Variants in MYLK4 observed in about 807,000 individuals in gnomAD.
MYLK4 encodes the protein caMLCK like.
A neutral mutation model predicts 48.1 loss-of-function variants in MYLK4; 46 were observed. The observed-to-expected ratio is 0.96, with a 90% CI of 0.75 to 1.22. MYLK4 has a LOEUF of 1.22. Ranked by LOEUF, MYLK4 falls within the 50% of genes most tolerant of loss-of-function variation. The pLI is 0.00. For missense variants in MYLK4, 451 were observed against 486.1 expected (o/e 0.93, Z 0.68); for synonymous variants, 170 against 180.8 (o/e 0.94, Z 0.48).
chr6:2,768,314 G>T, the MYLK4 span, among the ~76,000 whole-genome samples: 1 of 152,072 alleles, frequency 6.6e-6, no homozygotes, highest in Non-Finnish European at 1.5e-5. Flanking sequence ...GTGCTGTCTC[G>T]GCTAGAGGAG....
At chr6:2,739,656 T>C (rs551807755) in intron 2 of MYLK4, among the ~76,000 whole-genome samples, 1 of 152,340 alleles carries the variant, frequency 6.6e-6, no homozygotes, top group South Asian at 2.1e-4. Context: ...TCAGATACTT[T>C]TCCCCATTAA....
Position 2,664,918 on chromosome 6 carries a change from G to T in MYLK4, c.*3007C>A, listed in dbSNP as rs569259460. 6.6e-6 allele frequency: 1 copy of T among 152,328 alleles called. No individual in the cohort carries two copies. Among genetic ancestry groups the T allele is most frequent in the African/African-American group, 2.4e-5 (1 of 41,578 alleles). 9.4% of individuals were successfully genotyped at this position (152,328 alleles called of 1,614,324 possible). A position where few individuals can be genotyped will look rare whatever the true frequency, so the allele number is the denominator to read the frequency against. On this transcript the variant is annotated 3_prime_UTR_variant, in exon 13 of 13. Transcript: ENST00000274643. ...ATTTTTAAATAGCAACAGATTCTGG[G>T]TAAGTGTTGGTGTCTTCCAAATTAC...
chr6:2,731,377 GT>G (rs1489780674), intron 2 of MYLK4, among the ~76,000 whole-genome samples: 21 of 152,328 alleles, frequency 1.4e-4, no homozygotes, highest in African/African-American at 5.1e-4. Context: ...TGGACTCTAG[GT>G]AGGCAGGTCT....
chr6:2,715,716 G>C (rs9405181), intron 2 of MYLK4, among the ~76,000 whole-genome samples: 67,876 of 152,058 alleles, frequency 0.45, 16,023 homozygotes, highest in East Asian at 0.57. Flanking sequence ...TAGCAAACAT[G>C]CTTGTCTCAG....
intron 6 of MYLK4, among the ~76,000 whole-genome samples, chr6:2,684,575 C>T (rs1296915478): frequency 6.6e-6 from 1 of 152,096 alleles, no homozygotes; most frequent in Non-Finnish European, 1.5e-5. Flanking sequence ...CAGGTTCAAA[C>T]AATCGTAAAT....
intron 11 of MYLK4, among the ~76,000 whole-genome samples, chr6:2,674,005 G>A (rs1268574266): frequency 6.6e-6 from 1 of 152,204 alleles, no homozygotes; most frequent in Non-Finnish European, 1.5e-5. Context: ...GATCACTGAT[G>A]GTGAGGCAAG....
intron 7 of MYLK4, among the ~76,000 whole-genome samples, chr6:2,681,461 A>G (rs1356889593): frequency 6.6e-6 from 1 of 152,208 alleles, no homozygotes; most frequent in Admixed American, 6.5e-5. Context: ...TCACTGATGG[A>G]TCATGTATAA....
upstream of MYLK4, among the ~76,000 whole-genome samples, chr6:2,753,229 T>C (rs905650214): frequency 2.0e-5 from 3 of 152,222 alleles, no homozygotes; most frequent in African/African-American, 7.2e-5. Flanking sequence ...AGTAAGAGAC[T>C]GTGTTGTCAA....
intron 2 of MYLK4, among the ~76,000 whole-genome samples, chr6:2,735,120 G>T (rs970184542): frequency 6.6e-6 from 1 of 152,228 alleles, no homozygotes; most frequent in Non-Finnish European, 1.5e-5. Flanking sequence ...TTTGGGCAAT[G>T]CCTCTTAGCC....
intron 2 of MYLK4, among the ~76,000 whole-genome samples, chr6:2,746,694 G>C (rs1764104650): frequency 6.6e-6 from 1 of 152,186 alleles, no homozygotes; most frequent in Admixed American, 6.5e-5. Context: ...TCCCCTCAAA[G>C]AGAGAAGGGA....
intron 1 of MYLK4, among the ~76,000 whole-genome samples, 151 bp from the exon 2 acceptor site, chr6:2,749,557 G>C (rs1384066945): frequency 6.6e-6 from 1 of 152,146 alleles, no homozygotes; most frequent in Non-Finnish European, 1.5e-5. Flanking sequence ...TTCATATTGA[G>C]TTTCCAACAT....
rs750454547 is a variant in MYLK4 at position 2,685,318 on chromosome 6, C to T, written c.523G>A (p.Asp175Asn). 1.9e-6 allele frequency: 3 copies of T among 1,613,216 alleles called. No individual in the cohort carries two copies. Among genetic ancestry groups the T allele is most frequent in the South Asian group, 1.1e-5 (1 of 91,046 alleles). The change falls in exon 6 of 13, where the codon GAC (aspartate) becomes AAC (asparagine). Residue 175 changes from aspartate (D) to asparagine (N), a missense_variant. Asp to Asn is a conservative substitution (Grantham distance 23). Coordinates refer to ENST00000274643, the MANE Select transcript of MYLK4 (RefSeq NM_001012418.5). This position sits in a 1 kb window ranked among gnomAD's most constrained non-coding sequence, Gnocchi z 4.5. ...TACTACTCCATGACCAGGACAATGT[C>T]GTTCTTAGACTCGAAGGCATCGTAC... is the stretch of plus-strand genomic sequence containing the variant. ...QLYDAFESKN[D>N]IVLVMEYVDG...
At chr6:2,717,281 C>T (rs1762899582) in intron 2 of MYLK4, among the ~76,000 whole-genome samples, 2 of 152,204 alleles carry the variant, frequency 1.3e-5, no homozygotes, top group Admixed American at 6.5e-5. Flanking sequence ...TTTTTACGGT[C>T]TTCTTGGTAG....
At chr6:2,763,703 G>A in the MYLK4 span, among the ~76,000 whole-genome samples, 1 of 152,244 alleles carries the variant, frequency 6.6e-6, no homozygotes, top group Non-Finnish European at 1.5e-5. Flanking sequence ...GCCCGCCCAG[G>A]AAAGAGCTCC....
intron 9 of MYLK4, 34 bp from the exon 10 acceptor site, chr6:2,678,406 T>A (rs768985778): frequency 6.2e-7 from 1 of 1,609,452 alleles, no homozygotes; most frequent in Non-Finnish European, 8.5e-7. Context: ...GAGTATTTTT[T>A]AAACAGCCTC....
upstream of MYLK4, among the ~76,000 whole-genome samples, chr6:2,753,765 A>G (rs1348225784): frequency 3.3e-5 from 5 of 152,148 alleles, no homozygotes; most frequent in Admixed American, 2.6e-4. Flanking sequence ...TAATAAGCAC[A>G]TGAAAAAAAA....
In MYLK4 at chr6:2,685,340, G is replaced by A. The variant is rs1336698257; in HGVS notation, c.501C>T (p.Tyr167=). ...TGTCGTTCTTAGACTCGAAGGCATC[G>A]TACAGCTGGATGAGGTTCGCGTGGT... ...QLDHANLIQL[Y]DAFESKNDIV... The change falls in exon 6 of 13, where the codon TAC becomes TAT. Residue 167 remains tyrosine (Y), a synonymous_variant. Coordinates refer to ENST00000274643, the MANE Select transcript of MYLK4 (RefSeq NM_001012418.5). This position sits in a 1 kb window ranked among gnomAD's most constrained non-coding sequence, Gnocchi z 4.5. 32 of 1,613,480 alleles carry A rather than the reference G, an allele frequency of 2.0e-5. No individual in the cohort carries two copies. The highest frequency in any genetic ancestry group is 6.7e-5 in the East Asian group (3 of 44,844).
At chr6:2,729,081 G>A (rs934752770) in intron 2 of MYLK4, among the ~76,000 whole-genome samples, 7 of 152,158 alleles carry the variant, frequency 4.6e-5, no homozygotes, top group African/African-American at 9.7e-5. Context: ...CTGTGCTCAC[G>A]CTTGGGATCC....
intron 2 of MYLK4, among the ~76,000 whole-genome samples, chr6:2,717,179 A>G (rs1012301891): frequency 6.6e-6 from 1 of 152,240 alleles, no homozygotes; most frequent in South Asian, 2.1e-4. Flanking sequence ...TGAGAAAGAA[A>G]GAGCAGCTTT....
Sources: allele counts gnomAD v4.1 joint callset (sites outside exome capture counted in the v4.1 genomes callset), GRCh38; gene constraint gnomAD v4.1.1; non-coding constraint Gnocchi (gnomAD v3.1); transcripts MANE v1.5; gene names NCBI Gene and HGNC (gene_info 2026-07-23, HGNC 2026-07-21).